The following SPAG16 variants were observed in gnomAD, a reference collection of about 807,000 sequenced individuals.
SPAG16 encodes sperm associated antigen 16, also known as sperm-associated antigen 16 protein.
SPAG16 carries 86 observed loss-of-function variants against 80.4 expected under a neutral mutation model. The observed-to-expected ratio is 1.07, with a 90% confidence interval of 0.90 to 1.28. SPAG16 has a LOEUF of 1.28. Ranked by LOEUF, SPAG16 falls within the 50% of genes most tolerant of loss-of-function variation. The pLI, the probability that SPAG16 is intolerant of heterozygous loss-of-function variation, is 0.00. For missense variants in SPAG16, 870 were observed against 765.3 expected, an observed-to-expected ratio of 1.14 and a Z score of -1.61; for synonymous variants, 294 against 265.9, an observed-to-expected ratio of 1.11 and a Z score of -1.03.
At chr2:213,410,497 C>G (rs187180583) in intron 9 of SPAG16, among the ~76,000 whole-genome samples, 1 of 152,272 alleles carries the variant, frequency 6.6e-6, no homozygotes, top group Admixed American at 6.5e-5. Context: ...AGCTTTTATG[C>G]TGTAGTTGGT....
chr2:214,374,154 G>A (rs1699986944), intron 15 of SPAG16, among the ~76,000 whole-genome samples: 1 of 152,184 alleles, frequency 6.6e-6, no homozygotes, highest in African/African-American at 2.4e-5. Flanking sequence ...AAAGAGATTG[G>A]ATTTTATGTT....
At chr2:214,127,067 A>G (rs2054531360) in intron 14 of SPAG16, among the ~76,000 whole-genome samples, 1 of 151,792 alleles carries the variant, frequency 6.6e-6, no homozygotes, top group Non-Finnish European at 1.5e-5. Flanking sequence ...GTTTGCCACT[A>G]TGTCAGCTGC....
At position 213,639,588 on chromosome 2, in the gene SPAG16, A is replaced by C. The variant is rs553732548; in HGVS notation, c.1070+149498A>C. Among the ~76,000 whole-genome samples the C allele has an allele frequency of 2.1e-3, 314 of 152,318 alleles. 3 individuals are homozygous for C. Among genetic ancestry groups the C allele is most frequent in the African/African-American group, 7.3e-3 (303 of 41,580 alleles). The stretch of plus-strand genomic sequence containing the variant: ...TAGGATCCCATCCCTGCTAGCTTAC[A>C]GGGTTTCTGCTGAGAAATCTGCTGT... On this transcript the variant is annotated intron_variant, in intron 10 of 15. Coordinates refer to ENST00000331683, the MANE Select transcript of SPAG16 (RefSeq NM_024532.5).
chr2:214,356,480 AAAC>A (rs1226531359), intron 15 of SPAG16, among the ~76,000 whole-genome samples: 1 of 152,012 alleles, frequency 6.6e-6, no homozygotes, highest in African/African-American at 2.4e-5. Context: ...TCAAAGAACA[AAAC>A]AACTATGTAT....
chr2:213,421,573 C>T (rs532454774), intron 9 of SPAG16, among the ~76,000 whole-genome samples: 1 of 152,336 alleles, frequency 6.6e-6, no homozygotes, highest in African/African-American at 2.4e-5. Context: ...GCTCCCAATT[C>T]CCAGTGGAGT....
intron 10 of SPAG16, among the ~76,000 whole-genome samples, chr2:213,576,731 C>T (rs1367785945): frequency 6.6e-6 from 1 of 151,986 alleles, no homozygotes; most frequent in Non-Finnish European, 1.5e-5. Flanking sequence ...GAACAGAAAA[C>T]CAAATAGTGC....
intron 8 of SPAG16, among the ~76,000 whole-genome samples, chr2:213,370,319 A>C (rs544304863): frequency 6.6e-6 from 1 of 152,324 alleles, no homozygotes; most frequent in African/African-American, 2.4e-5. Flanking sequence ...ATGCCTGTTG[A>C]ATATATGCAA....
chr2:213,972,673 G>A (rs998493492), intron 12 of SPAG16, among the ~76,000 whole-genome samples: 4 of 152,108 alleles, frequency 2.6e-5, no homozygotes, highest in Non-Finnish European at 5.9e-5. Context: ...AGCTATCTGG[G>A]TATCTCATAA....
At chr2:213,561,559 C>T (rs2059599041) in intron 10 of SPAG16, among the ~76,000 whole-genome samples, 1 of 152,082 alleles carries the variant, frequency 6.6e-6, no homozygotes, top group South Asian at 2.1e-4. Flanking sequence ...ACTATGTACC[C>T]ACAAAAGTTA....
At chr2:213,873,311 T>G (rs1219335571) in intron 11 of SPAG16, among the ~76,000 whole-genome samples, 2 of 152,140 alleles carry the variant, frequency 1.3e-5, no homozygotes, top group Non-Finnish European at 2.9e-5. Flanking sequence ...GTTAACAATT[T>G]CCCTTATAAA....
At chr2:213,678,259 A>G (rs1469718997) in intron 10 of SPAG16, among the ~76,000 whole-genome samples, 1 of 152,216 alleles carries the variant, frequency 6.6e-6, no homozygotes, top group Non-Finnish European at 1.5e-5. Context: ...GGCAAGAAAT[A>G]ACTAAAATCA....
At chr2:213,596,390 A>T (rs2060886869) in intron 10 of SPAG16, among the ~76,000 whole-genome samples, 1 of 152,118 alleles carries the variant, frequency 6.6e-6, no homozygotes, top group Non-Finnish European at 1.5e-5. Flanking sequence ...GCCTTTAGTT[A>T]CACAGATTTG....
intron 9 of SPAG16, among the ~76,000 whole-genome samples, chr2:213,447,311 A>G (rs1280323592): frequency 2.6e-5 from 4 of 151,972 alleles, no homozygotes; most frequent in Non-Finnish European, 4.4e-5. Flanking sequence ...GCCTCATATG[A>G]TATTCCCCAT....
chr2:214,323,905 A>C (rs1696289495), intron 15 of SPAG16, among the ~76,000 whole-genome samples: 1 of 152,232 alleles, frequency 6.6e-6, no homozygotes, highest in Admixed American at 6.5e-5. Context: ...AGAAAGCTGC[A>C]TAAGAATAAT....
rs574782778 is a variant in SPAG16 at position 213,549,802 on chromosome 2, G to A, written c.1070+59712G>A. On this transcript the variant is annotated intron_variant, in intron 10 of 15. Coordinates refer to ENST00000331683, the MANE Select transcript of SPAG16 (RefSeq NM_024532.5). ...CTCATCAGTTAAATATTTTAAAAAG[G>A]CATTTTAATTGTATGTATATGTCTG... 3.3e-5 allele frequency among the ~76,000 whole-genome samples: 5 copies of A among 152,092 alleles called. No individual in the cohort carries two copies. In the South Asian group the frequency reaches 8.3e-4, roughly 25 times the overall value.
chr2:213,614,330 A>G (rs1015224826), intron 10 of SPAG16, among the ~76,000 whole-genome samples: 2 of 152,210 alleles, frequency 1.3e-5, no homozygotes, highest in Non-Finnish European at 2.9e-5. Flanking sequence ...GATACATGAT[A>G]TATCTTTTTA....
At chr2:213,873,557 A>C (rs927817573) in intron 11 of SPAG16, among the ~76,000 whole-genome samples, 3 of 151,232 alleles carry the variant, frequency 2.0e-5, no homozygotes, top group African/African-American at 7.3e-5. Context: ...TTCTTTTTCT[A>C]CTTGCTTAAG....
intron 9 of SPAG16, among the ~76,000 whole-genome samples, chr2:213,397,689 T>C (rs533182624): frequency 6.4e-4 from 98 of 152,268 alleles, no homozygotes; most frequent in African/African-American, 2.3e-3. Context: ...GCCTTGTTAT[T>C]GCAAGTAACT....
chr2:213,413,914 T>A (rs571761376), intron 9 of SPAG16, among the ~76,000 whole-genome samples: 97 of 152,294 alleles, frequency 6.4e-4, no homozygotes, highest in Non-Finnish European at 1.2e-3. Context: ...CAAACAAAGT[T>A]ATGACAGATT....
Sources: gnomAD v4.1 joint callset for allele counts (sites outside exome capture counted in the v4.1 genomes callset) on GRCh38, gnomAD v4.1.1 for gene constraint, MANE v1.5 for transcripts, NCBI Gene and HGNC (gene_info 2026-07-23, HGNC 2026-07-21) for gene names.